EEFSEC: variants seen among roughly 807,000 people sequenced by gnomAD.
EEFSEC encodes selenocysteine-specific elongation factor.
Under a neutral mutation model 42.1 loss-of-function variants are expected in EEFSEC, and 43 were observed. That is an observed-to-expected ratio of 1.02 (90% CI 0.80 to 1.32). The LOEUF (loss-of-function observed/expected upper bound fraction) is 1.32. Ranked by LOEUF, EEFSEC falls within the 40% of genes most tolerant of loss-of-function variation. The pLI is 0.00. For missense variants in EEFSEC, 745 were observed against 803.6 expected, an observed-to-expected ratio of 0.93 and a Z score of 0.88; for synonymous variants, 354 against 339.1, an observed-to-expected ratio of 1.04 and a Z score of -0.48.
At chr3:128,340,911 C>G (rs1041985833) in intron 4 of EEFSEC, among the ~76,000 whole-genome samples, 3 of 152,148 alleles carry the variant, frequency 2.0e-5, no homozygotes. Flanking sequence ...GGGACTGGAG[C>G]CTGGATTGGA....
chr3:128,341,245 G>T lies in EEFSEC; in HGVS notation c.799G>T (p.Val267Leu), dbSNP rs1453819534. Residue 267 changes from valine to leucine, a missense_variant, in exon 5 of 7, where the codon GTG (valine) becomes TTG (leucine). By Grantham distance (32) the Val-to-Leu change is conservative. Transcript: ENST00000254730. The stretch of plus-strand genomic sequence containing the variant: ...TACTCCCCATCAGGTGGTGAAGAAG[G>T]TGAAGTCCATGCAGATGTTCCACAT... ...EIPALKVVKK[V>L]KSMQMFHMPI... 6 of 1,608,116 alleles carry T rather than the reference G, an allele frequency of 3.7e-6. No individual in the cohort carries two copies. Among genetic ancestry groups the T allele is most frequent in the Non-Finnish European group, 5.1e-6 (6 of 1,176,894 alleles).
intron 4 of EEFSEC, among the ~76,000 whole-genome samples, chr3:128,281,635 C>T (rs992900447): frequency 6.6e-6 from 1 of 152,056 alleles, no homozygotes; most frequent in Admixed American, 6.5e-5. Context: ...TTGGCTGGGT[C>T]TCACTGTCTT....
intron 2 of EEFSEC, among the ~76,000 whole-genome samples, chr3:128,248,611 AG>A (rs999746550): frequency 6.6e-6 from 1 of 152,178 alleles, no homozygotes; most frequent in African/African-American, 2.4e-5. Flanking sequence ...CTTTTTAGTG[AG>A]TTATTTGATC....
intron 5 of EEFSEC, among the ~76,000 whole-genome samples, chr3:128,355,849 A>G (rs748796426): frequency 2.0e-5 from 3 of 152,260 alleles, no homozygotes; most frequent in Non-Finnish European, 4.4e-5. Context: ...GTCAGGTGGC[A>G]ATCTGTGCTC....
intron 1 of EEFSEC, among the ~76,000 whole-genome samples, chr3:128,169,076 G>T (rs560110354): frequency 6.6e-6 from 1 of 152,214 alleles, no homozygotes; most frequent in Non-Finnish European, 1.5e-5. Context: ...TGGTACAGAA[G>T]TAAATAAAAC....
At chr3:128,273,608 A>G (rs891380956) in intron 4 of EEFSEC, among the ~76,000 whole-genome samples, 2 of 152,254 alleles carry the variant, frequency 1.3e-5, no homozygotes, top group African/African-American at 2.4e-5. Context: ...GACTGGCTGG[A>G]GTCCTGACCT....
chr3:128,362,260 T>C (rs1300691780), intron 6 of EEFSEC: 1 of 517,086 alleles, frequency 1.9e-6, no homozygotes, highest in East Asian at 5.6e-5. Context: ...GGACAACAGC[T>C]TCCGCAGCCC....
chr3:128,417,934 A>G, the EEFSEC span, among the ~76,000 whole-genome samples: 5 of 151,958 alleles, frequency 3.3e-5, no homozygotes, highest in African/African-American at 1.2e-4. The surrounding 1 kb of genome is among the most constrained non-coding windows in gnomAD (Gnocchi z 4.3). Flanking sequence ...GCCCCCAGCC[A>G]GGACCCGGGG....
chr3:128,323,657 G>T (rs1327985782), intron 4 of EEFSEC, among the ~76,000 whole-genome samples: 1 of 152,192 alleles, frequency 6.6e-6, no homozygotes, highest in Non-Finnish European at 1.5e-5. Context: ...GGGGTAAAGA[G>T]CCCAAAGTTG....
intron 2 of EEFSEC, among the ~76,000 whole-genome samples, chr3:128,255,892 C>T (rs1472191925): frequency 6.6e-6 from 1 of 152,046 alleles, no homozygotes; most frequent in Non-Finnish European, 1.5e-5. Flanking sequence ...TGGAAGGCCC[C>T]CATAGACCTG....
At chr3:128,420,166 G>A in the EEFSEC span, among the ~76,000 whole-genome samples, 3 of 152,220 alleles carry the variant, frequency 2.0e-5, no homozygotes, top group African/African-American at 4.8e-5. Context: ...GAGAGGCCCC[G>A]CGCAGAGCAG....
intron 2 of EEFSEC, among the ~76,000 whole-genome samples, chr3:128,261,454 T>C (rs1244356941): frequency 6.6e-6 from 1 of 151,182 alleles, no homozygotes; most frequent in Admixed American, 6.6e-5. Context: ...AACCAAAATC[T>C]GAAAAAAAGA....
At chr3:128,202,273 T>A (rs1265304478) in intron 1 of EEFSEC, among the ~76,000 whole-genome samples, 1 of 152,184 alleles carries the variant, frequency 6.6e-6, no homozygotes, top group Non-Finnish European at 1.5e-5. Context: ...ATACTATAGC[T>A]CAATCGAGGG....
intron 1 of EEFSEC, among the ~76,000 whole-genome samples, chr3:128,193,306 C>A (rs1203479528): frequency 6.6e-6 from 1 of 152,186 alleles, no homozygotes; most frequent in Non-Finnish European, 1.5e-5. Flanking sequence ...GACCAGCCTC[C>A]AAGGGAGGCA....
At chr3:128,329,725 T>C (rs1048678601) in intron 4 of EEFSEC, among the ~76,000 whole-genome samples, 1 of 152,160 alleles carries the variant, frequency 6.6e-6, no homozygotes, top group East Asian at 1.9e-4. Context: ...GCCAGCCAGA[T>C]GGCCACAGGC....
chr3:128,172,037 A>G (rs4640584), intron 1 of EEFSEC, among the ~76,000 whole-genome samples: 2,431 of 152,320 alleles, frequency 0.016, 63 homozygotes, highest in African/African-American at 0.054. Flanking sequence ...GGCCTTAAGC[A>G]TCCTCAGATT....
intron 6 of EEFSEC, among the ~76,000 whole-genome samples, chr3:128,359,212 G>T (rs545784181): frequency 6.6e-6 from 1 of 152,284 alleles, no homozygotes; most frequent in East Asian, 1.9e-4. Flanking sequence ...CGAGGGGGAA[G>T]TGAATGTTAA....
chr3:128,363,408 C>G (rs1167291289), intron 6 of EEFSEC, among the ~76,000 whole-genome samples: 1 of 152,238 alleles, frequency 6.6e-6, no homozygotes, highest in East Asian at 1.9e-4. Context: ...CGAGACTCCC[C>G]ACACCATGAT....
At chr3:128,372,928 A>G (rs1356033317) in intron 6 of EEFSEC, among the ~76,000 whole-genome samples, 1 of 152,198 alleles carries the variant, frequency 6.6e-6, no homozygotes, top group South Asian at 2.1e-4. Context: ...GCTGCTGTAG[A>G]TGTCACTTCC....
Sources: gnomAD v4.1 joint callset for allele counts (sites outside exome capture counted in the v4.1 genomes callset) on GRCh38, gnomAD v4.1.1 for gene constraint, Gnocchi (gnomAD v3.1) non-coding constraint, MANE v1.5 for transcripts, NCBI Gene and HGNC (gene_info 2026-07-23, HGNC 2026-07-21) for gene names.